The following STRN variants were observed in gnomAD, a reference collection of about 807,000 sequenced individuals.
STRN encodes protein phosphatase 2 regulatory subunit B'''alpha.
A neutral mutation model predicts 96.3 loss-of-function variants in STRN; 53 were observed. The observed-to-expected ratio is 0.55, with a 90% CI of 0.44 to 0.69. STRN has a LOEUF of 0.69. Ranked by LOEUF, STRN falls within the 30% of genes least tolerant of loss-of-function variation. The pLI, the probability that STRN is intolerant of heterozygous loss-of-function variation, is 0.00. For synonymous variants in STRN, 428 were observed against 355.9 expected, an observed-to-expected ratio of 1.20 and a Z score of -2.28; for missense variants, 987 against 963.9, an observed-to-expected ratio of 1.02 and a Z score of -0.32.
At chr2:36,936,076 C>T (rs1271429593) in intron 1 of STRN, among the ~76,000 whole-genome samples, 2 of 152,008 alleles carry the variant, frequency 1.3e-5, no homozygotes, top group Non-Finnish European at 2.9e-5. Flanking sequence ...ATCATGAAAA[C>T]AATTTCTCTA....
intron 6 of STRN, among the ~76,000 whole-genome samples, chr2:36,898,542 G>A (rs1669600983): frequency 6.6e-6 from 1 of 152,220 alleles, no homozygotes; most frequent in Admixed American, 6.5e-5. Context: ...GTTACACTTA[G>A]AAAGCACTTT....
At chr2:36,938,044 C>T (rs780959822) in intron 1 of STRN, among the ~76,000 whole-genome samples, 3 of 152,076 alleles carry the variant, frequency 2.0e-5, no homozygotes, top group Non-Finnish European at 4.4e-5. Flanking sequence ...AAAAAGTGTA[C>T]TTTGAATTTT....
intron 10 of STRN, among the ~76,000 whole-genome samples, chr2:36,875,427 G>A (rs568751685): frequency 7.2e-6 from 1 of 139,772 alleles, no homozygotes; most frequent in South Asian, 2.2e-4. Flanking sequence ...GATGGCTTAA[G>A]CCTAGAAGGT....
At chr2:36,910,348 G>C (rs529121167) in intron 3 of STRN, among the ~76,000 whole-genome samples, 58 of 152,022 alleles carry the variant, frequency 3.8e-4, no homozygotes, top group Admixed American at 1.1e-3. Context: ...TTTCATATTA[G>C]TATTTAAATA....
chr2:36,946,285 G>A (rs1670982862), intron 1 of STRN, among the ~76,000 whole-genome samples: 1 of 151,906 alleles, frequency 6.6e-6, no homozygotes, highest in African/African-American at 2.4e-5. Flanking sequence ...AAAAATAAAA[G>A]AGAGAAATAA....
At chr2:36,931,462 A>C (rs892775751) in intron 1 of STRN, among the ~76,000 whole-genome samples, 3 of 152,242 alleles carry the variant, frequency 2.0e-5, no homozygotes, top group Non-Finnish European at 4.4e-5. Context: ...GTTCACAAAA[A>C]CAGCTAAGAA....
chr2:36,888,145 C>T (rs1258678814), intron 7 of STRN, among the ~76,000 whole-genome samples: 1 of 152,190 alleles, frequency 6.6e-6, no homozygotes, highest in African/African-American at 2.4e-5. Context: ...AAACTATTTT[C>T]TCTACCTTCA....
chr2:36,949,521 A>C (rs1379488281), intron 1 of STRN, among the ~76,000 whole-genome samples: 1 of 152,256 alleles, frequency 6.6e-6, no homozygotes, highest in Non-Finnish European at 1.5e-5. Context: ...GAAGACTTCT[A>C]CTTTAGTCAC....
At chr2:36,866,779 G>A (rs1372170876) in intron 12 of STRN, among the ~76,000 whole-genome samples, 1 of 152,144 alleles carries the variant, frequency 6.6e-6, no homozygotes, top group Non-Finnish European at 1.5e-5. Flanking sequence ...GTCATGTAAT[G>A]CCCTCCTTTG....
At position 36,848,727 on chromosome 2, in the gene STRN, T is replaced by G. The variant is rs972648739; in HGVS notation, c.*729A>C. ...AAAAGCAGAGTCGATCAACTATTCT[T>G]CACAATGGTGAGTGCTTGATAGCTA... On this transcript the variant is annotated 3_prime_UTR_variant, in exon 18 of 18. Coordinates refer to ENST00000263918, the MANE Select transcript of STRN (RefSeq NM_003162.4). The G allele has an allele frequency of 6.6e-6, 1 of 152,314 alleles. No individual in the cohort carries two copies. Among genetic ancestry groups the G allele is most frequent in the Admixed American group, 6.5e-5 (1 of 15,280 alleles). The allele number at this position is 152,314 out of a possible 1,614,324, so 9.4% of individuals were successfully genotyped here.
intron 1 of STRN, among the ~76,000 whole-genome samples, chr2:36,955,904 A>G (rs1409541907): frequency 1.3e-5 from 2 of 152,200 alleles, no homozygotes; most frequent in Non-Finnish European, 2.9e-5. Context: ...TATATACCCT[A>G]TACACACAGT....
intron 1 of STRN, among the ~76,000 whole-genome samples, chr2:36,940,349 T>C (rs1052766827): frequency 2.6e-5 from 4 of 151,712 alleles, no homozygotes; most frequent in African/African-American, 4.8e-5. Context: ...TGGCAGGAGG[T>C]TGATAAAGAA....
chr2:36,926,860 G>A (rs1337710530), intron 1 of STRN, among the ~76,000 whole-genome samples: 2 of 152,068 alleles, frequency 1.3e-5, no homozygotes, highest in African/African-American at 4.8e-5. Context: ...TACCTAACCA[G>A]AATAGTAATG....
intron 7 of STRN, among the ~76,000 whole-genome samples, chr2:36,888,712 A>G (rs1669309159): frequency 6.7e-6 from 1 of 148,912 alleles, no homozygotes; most frequent in South Asian, 2.1e-4. Context: ...GCAGAATCTC[A>G]TTCTATCAAA....
At chr2:36,924,061 A>G (rs116388490) in intron 2 of STRN, among the ~76,000 whole-genome samples, 1 of 152,120 alleles carries the variant, frequency 6.6e-6, no homozygotes, top group Non-Finnish European at 1.5e-5. Context: ...AAAATACACA[A>G]AAAAAAGTCT....
intron 5 of STRN, 38 bp downstream of exon 5, chr2:36,902,542 GAACT>G (rs758843070): frequency 2.2e-5 from 34 of 1,520,960 alleles, no homozygotes; most frequent in East Asian, 4.7e-5. Flanking sequence ...TATTTAATAA[GAACT>G]AATAATAGCT....
At chr2:36,929,104 A>G (rs1670500241) in intron 1 of STRN, among the ~76,000 whole-genome samples, 1 of 152,198 alleles carries the variant, frequency 6.6e-6, no homozygotes, top group South Asian at 2.1e-4. Context: ...TTGAACTTCC[A>G]TGATACTTTA....
chr2:36,923,930 T>C (rs1416783962), intron 2 of STRN, among the ~76,000 whole-genome samples: 1 of 152,158 alleles, frequency 6.6e-6, no homozygotes, highest in African/African-American at 2.4e-5. Context: ...AAAATCTCAC[T>C]CATGACCTAT....
At position 36,910,088 on chromosome 2, in the gene STRN, G is replaced by A. The variant is rs571450453; in HGVS notation, c.413-4470C>T. On this transcript the variant is annotated intron_variant, in intron 3 of 17. Coordinates refer to ENST00000263918, the MANE Select transcript of STRN (RefSeq NM_003162.4). Reference sequence around the variant, plus strand: ...CTCAGGGGGCTGAGGCAGGAGAATCGCTTGAACCTGGGAGGCGGAGGCTGC... The same window carrying A: ...CTCAGGGGGCTGAGGCAGGAGAATCACTTGAACCTGGGAGGCGGAGGCTGC... Among the ~76,000 whole-genome samples, 25 of 150,990 alleles carry A rather than the reference G, an allele frequency of 1.7e-4. No homozygotes were observed. The South Asian group carries it at 4.4e-3, about 27-fold the overall frequency.
Sources: gnomAD v4.1 joint callset for allele counts (sites outside exome capture counted in the v4.1 genomes callset) on GRCh38, gnomAD v4.1.1 for gene constraint, MANE v1.5 for transcripts, NCBI Gene and HGNC (gene_info 2026-07-23, HGNC 2026-07-21) for gene names.